SLC4A5: variants seen among roughly 807,000 people sequenced by gnomAD.
SLC4A5 encodes electrogenic sodium bicarbonate cotransporter 4.
In SLC4A5, 96 loss-of-function variants were observed where a neutral mutation model predicts 120.4. The observed-to-expected ratio is 0.80, with a 90% CI of 0.68 to 0.94. The LOEUF (loss-of-function observed/expected upper bound fraction) is 0.94. SLC4A5 is among the 40% of genes least tolerant of loss of function. The probability of loss-of-function intolerance (pLI) is 0.00; values close to 1 mark genes in which losing one functional copy is unlikely to be tolerated. For missense variants in SLC4A5, 1,259 were observed against 1,459.5 expected (o/e 0.86, Z 2.24); for synonymous variants, 550 against 571.1 (o/e 0.96, Z 0.53).
intron 7 of SLC4A5, among the ~76,000 whole-genome samples, chr2:74,298,715 C>T (rs1009019876): frequency 1.4e-4 from 21 of 152,204 alleles, no homozygotes; most frequent in Admixed American, 1.2e-3. Flanking sequence ...GGAACTCATA[C>T]AACTCAATAG....
intron 21 of SLC4A5, 33 bp from the exon 22 acceptor site, chr2:74,235,247 G>A (rs1296050056): frequency 1.9e-6 from 3 of 1,566,482 alleles, no homozygotes; most frequent in Non-Finnish European, 2.6e-6. Context: ...TAAAAGAAGT[G>A]AGTAAAGCAC....
intron 7 of SLC4A5, among the ~76,000 whole-genome samples, chr2:74,290,073 T>A (rs540204032): frequency 6.6e-6 from 1 of 151,974 alleles, no homozygotes; most frequent in Non-Finnish European, 1.5e-5. Flanking sequence ...GCAGACCACA[T>A]CCCTGAAGAG....
At chr2:74,261,178 G>A (rs950517921) in intron 11 of SLC4A5, among the ~76,000 whole-genome samples, 10 of 152,134 alleles carry the variant, frequency 6.6e-5, no homozygotes, top group African/African-American at 1.9e-4. Flanking sequence ...TCATCCATTC[G>A]TGCCTCTTGT....
At chr2:74,248,291 T>C (rs1670681768) in intron 18 of SLC4A5, 62 bp downstream of exon 18, 17 of 1,592,016 alleles carry the variant, frequency 1.1e-5, no homozygotes, top group Non-Finnish European at 1.4e-5. Flanking sequence ...TCCCCTGCCC[T>C]AGCCCCAGCA....
intron 7 of SLC4A5, among the ~76,000 whole-genome samples, chr2:74,294,779 C>T (rs1672278464): frequency 6.6e-6 from 1 of 151,428 alleles, no homozygotes; most frequent in South Asian, 2.1e-4. Context: ...TCAAGCAATT[C>T]TTGTGCCTCA....
In SLC4A5 at chr2:74,307,631, G is replaced by A. The variant is rs568419749; in HGVS notation, c.80-2951C>T. On this transcript the variant is annotated intron_variant, in intron 6 of 30. Coordinates refer to ENST00000394019, the Ensembl canonical transcript of SLC4A5. ...TGTCCTCAATGGTCTTGAAGTAATG[G>A]CTCCAGTCTCTGACCTGGGGTCCCT... is the stretch of plus-strand genomic sequence containing the variant. The A allele has an allele frequency of 2.0e-5, 19 of 946,090 alleles. No homozygotes were observed. In the South Asian group the frequency reaches 2.2e-4, roughly 11 times the overall value. The allele number at this position is 946,090 out of a possible 1,614,324, so 58.6% of individuals were successfully genotyped here.
chr2:74,293,131 G>A (rs537150162), intron 7 of SLC4A5, among the ~76,000 whole-genome samples: 1 of 152,328 alleles, frequency 6.6e-6, no homozygotes, highest in East Asian at 1.9e-4. Context: ...GGGACTGGGA[G>A]AGGGAACCCA....
At chr2:74,263,018 G>A (rs529948143) in intron 10 of SLC4A5, among the ~76,000 whole-genome samples, 92 of 152,274 alleles carry the variant, frequency 6.0e-4, no homozygotes, top group African/African-American at 2.1e-3. Flanking sequence ...TGCTATTATG[G>A]TATGTTAAAC....
intron 6 of SLC4A5, chr2:74,307,086 T>C (rs2104269169): frequency 1.8e-6 from 1 of 561,602 alleles, no homozygotes; most frequent in Non-Finnish European, 3.3e-6. Context: ...TCTCATGGAG[T>C]CCAGGTCAAT....
At chr2:74,327,952 C>T (rs1573108626) in intron 5 of SLC4A5, among the ~76,000 whole-genome samples, 168 bp downstream of exon 5, 1 of 152,156 alleles carries the variant, frequency 6.6e-6, no homozygotes, top group East Asian at 1.9e-4. Flanking sequence ...AAAGGAAAAC[C>T]AAATATCCTA....
chr2:74,304,719 C>T, intron 6 of SLC4A5, 39 bp from the exon 7 acceptor site: 1 of 1,565,260 alleles, frequency 6.4e-7, no homozygotes, highest in Non-Finnish European at 8.7e-7. Context: ...GGCAGGGTTA[C>T]TGAAAATTGG....
exon 16 of SLC4A5, chr2:74,252,258 C>G (rs1670815987): frequency 6.2e-7 from 1 of 1,609,480 alleles, no homozygotes; most frequent in East Asian, 2.2e-5. Context: ...GTTCCGCCGG[C>G]CCCGCCACTG....
chr2:74,260,139 C>T (rs978710225), intron 11 of SLC4A5, among the ~76,000 whole-genome samples: 2 of 152,180 alleles, frequency 1.3e-5, no homozygotes, highest in Non-Finnish European at 2.9e-5. Context: ...CCCATGAGAA[C>T]AGTGATAGCC....
At chr2:74,220,655 T>C (rs7583544) in intron 30 of SLC4A5, among the ~76,000 whole-genome samples, 81,303 of 147,942 alleles carry the variant, frequency 0.55, 23,255 homozygotes, top group African/African-American at 0.74. Flanking sequence ...TAGCTGGGAC[T>C]ACAGGCGCCC....
intron 7 of SLC4A5, 146 bp from the exon 8 acceptor site, chr2:74,286,048 G>T: frequency 1.1e-6 from 1 of 893,820 alleles, no homozygotes; most frequent in Non-Finnish European, 1.6e-6. Context: ...GGTGATGCTG[G>T]CCTCCTGTAA....
chr2:74,308,176 C>A (rs1261622366), intron 6 of SLC4A5, among the ~76,000 whole-genome samples: 4 of 152,246 alleles, frequency 2.6e-5, no homozygotes, highest in African/African-American at 9.6e-5. Context: ...ATGAATAGTG[C>A]AGCTCTAAAC....
At chr2:74,296,616 CAAAAAAA>C (rs1160532512) in intron 7 of SLC4A5, among the ~76,000 whole-genome samples, 640 of 47,468 alleles carry the variant, frequency 0.013, 3 homozygotes, top group Non-Finnish European at 0.02. Flanking sequence ...ACTAAAAATA[CAAAAAAA>C]AAAAAAAAAA....
intron 8 of SLC4A5, among the ~76,000 whole-genome samples, chr2:74,270,736 T>C (rs1388661174): frequency 6.6e-6 from 1 of 152,188 alleles, no homozygotes; most frequent in Non-Finnish European, 1.5e-5. Flanking sequence ...AGGGTGACCC[T>C]GCCATGGAAA....
At chr2:74,276,060 G>T (rs1004725955) in intron 8 of SLC4A5, among the ~76,000 whole-genome samples, 1 of 152,120 alleles carries the variant, frequency 6.6e-6, no homozygotes, top group Admixed American at 6.5e-5. Flanking sequence ...GCCTGTTTTT[G>T]TATGGCCAGC....
Sources: gnomAD v4.1 joint callset for allele counts (sites outside exome capture counted in the v4.1 genomes callset) on GRCh38, gnomAD v4.1.1 for gene constraint, MANE v1.5 for transcripts, NCBI Gene and HGNC (gene_info 2026-07-23, HGNC 2026-07-21) for gene names.